Variants in RANBP2 observed in about 807,000 individuals in gnomAD.
RANBP2 encodes E3 SUMO-protein ligase RanBP2.
RANBP2 carries 57 observed loss-of-function variants against 303.6 expected under a neutral mutation model. That is an observed-to-expected ratio of 0.19 (90% CI 0.15 to 0.23). The LOEUF (loss-of-function observed/expected upper bound fraction) is 0.23, where lower values mean the gene tolerates loss of function less well. Ranked by LOEUF, RANBP2 falls within the 10% of genes least tolerant of loss-of-function variation. The pLI is 1.00. For missense variants in RANBP2, 3,138 were observed against 3,780.8 expected (o/e 0.83, Z 4.46); for synonymous variants, 1,167 against 1,301.5 (o/e 0.90, Z 2.23).
the RANBP2 span, among the ~76,000 whole-genome samples, chr2:109,119,661 A>G: frequency 6.6e-6 from 1 of 152,246 alleles, no homozygotes; most frequent in African/African-American, 2.4e-5. Context: ...GTATTTTCTA[A>G]GATCTTAAGC....
chr2:109,598,514 G>A, the RANBP2 span, among the ~76,000 whole-genome samples: 17 of 152,080 alleles, frequency 1.1e-4, no homozygotes, highest in African/African-American at 3.9e-4. Flanking sequence ...GAGCGAGAGC[G>A]AGAGAGAACA....
At chr2:108,867,403 G>C in the RANBP2 span, among the ~76,000 whole-genome samples, 1 of 152,218 alleles carries the variant, frequency 6.6e-6, no homozygotes, top group Admixed American at 6.5e-5. Flanking sequence ...TCAGGAATGA[G>C]AAGTAGAAGG....
the RANBP2 span, chr2:109,553,025 T>A: frequency 6.4e-7 from 1 of 1,566,514 alleles, no homozygotes; most frequent in Non-Finnish European, 8.6e-7. Flanking sequence ...TTGGAATAAA[T>A]CCTCCAAATT....
chr2:109,333,099 C>T, the RANBP2 span, among the ~76,000 whole-genome samples: 11 of 152,226 alleles, frequency 7.2e-5, no homozygotes, highest in African/African-American at 2.4e-4. Context: ...TGCCTCAGTG[C>T]GTTCCAGGAG....
At chr2:109,655,963 C>G in the RANBP2 span, among the ~76,000 whole-genome samples, 18 of 152,200 alleles carry the variant, frequency 1.2e-4, no homozygotes, top group African/African-American at 4.3e-4. Flanking sequence ...GAAGATAATT[C>G]TATTTGGAAT....
At chr2:109,739,942 T>A in the RANBP2 span, among the ~76,000 whole-genome samples, 1 of 150,058 alleles carries the variant, frequency 6.7e-6, no homozygotes, top group East Asian at 1.9e-4. Context: ...TTTTATTTTA[T>A]GTTACTCTGT....
At chr2:108,917,646 A>G in the RANBP2 span, among the ~76,000 whole-genome samples, 10,594 of 152,022 alleles carry the variant, frequency 0.07, 449 homozygotes, top group South Asian at 0.11. Context: ...CTAAGACTAG[A>G]GGGGGGTCAA....
At chr2:109,060,036 C>A in the RANBP2 span, among the ~76,000 whole-genome samples, 1 of 152,172 alleles carries the variant, frequency 6.6e-6, no homozygotes, top group Non-Finnish European at 1.5e-5. Flanking sequence ...AAGAACCTGA[C>A]TTCCAACCTG....
the RANBP2 span, among the ~76,000 whole-genome samples, chr2:109,684,751 A>G: frequency 4.2e-5 from 6 of 141,978 alleles, no homozygotes; most frequent in African/African-American, 1.6e-4. Context: ...GCCAGGCTGG[A>G]CTTGAACTCC....
the RANBP2 span, among the ~76,000 whole-genome samples, chr2:109,688,869 C>T: frequency 7.0e-6 from 1 of 143,648 alleles, no homozygotes; most frequent in Non-Finnish European, 1.5e-5. Flanking sequence ...TCCTGGCCTA[C>T]ATTTATTTTC....
intron 1 of RANBP2, among the ~76,000 whole-genome samples, chr2:108,721,247 G>T (rs1249673815): frequency 2.0e-5 from 3 of 152,158 alleles, no homozygotes; most frequent in Non-Finnish European, 4.4e-5. Context: ...TTTTGGCAGT[G>T]GGTCTGATTT....
chr2:109,234,647 A>G, the RANBP2 span, among the ~76,000 whole-genome samples: 2 of 152,246 alleles, frequency 1.3e-5, no homozygotes, highest in African/African-American at 4.8e-5. Flanking sequence ...CAGCAGGCAC[A>G]GGGCTCTGCT....
the RANBP2 span, among the ~76,000 whole-genome samples, chr2:109,258,499 T>G: frequency 1.3e-5 from 2 of 152,170 alleles, no homozygotes; most frequent in African/African-American, 2.4e-5. Flanking sequence ...AATCCAATCA[T>G]GTAGGCTGGC....
chr2:109,679,893 T>C, the RANBP2 span, among the ~76,000 whole-genome samples: 2 of 152,198 alleles, frequency 1.3e-5, no homozygotes, highest in African/African-American at 4.8e-5. Context: ...TGGCTGACAC[T>C]GTTTGACCCT....
chr2:108,892,461 C>T, the RANBP2 span, among the ~76,000 whole-genome samples: 2 of 151,746 alleles, frequency 1.3e-5, no homozygotes, highest in Non-Finnish European at 2.9e-5. Flanking sequence ...CCAGCAGCAA[C>T]AATCTGGGTT....
chr2:109,529,157 G>A, the RANBP2 span, among the ~76,000 whole-genome samples: 2 of 152,192 alleles, frequency 1.3e-5, no homozygotes, highest in African/African-American at 2.4e-5. Context: ...CCACTCCCTT[G>A]ATGGTGGCGG....
At chr2:108,803,091 C>G in the RANBP2 span, among the ~76,000 whole-genome samples, 2 of 152,178 alleles carry the variant, frequency 1.3e-5, no homozygotes, top group Non-Finnish European at 2.9e-5. Context: ...ATGCATTTCT[C>G]AAAGCTTTTG....
chr2:109,591,670 ATGG>A, the RANBP2 span, among the ~76,000 whole-genome samples: 2 of 152,108 alleles, frequency 1.3e-5, no homozygotes, highest in African/African-American at 2.4e-5. Flanking sequence ...GCGGAGGCAG[ATGG>A]ATCACTTGAG....
At chr2:109,564,996 T>C in the RANBP2 span, among the ~76,000 whole-genome samples, 1 of 152,236 alleles carries the variant, frequency 6.6e-6, no homozygotes, top group Non-Finnish European at 1.5e-5. Context: ...ATTCTTTTTA[T>C]AGAACACATT....
Sources: gnomAD v4.1 joint callset for allele counts (sites outside exome capture counted in the v4.1 genomes callset) on GRCh38, gnomAD v4.1.1 for gene constraint, MANE v1.5 for transcripts, NCBI Gene and HGNC (gene_info 2026-07-23, HGNC 2026-07-21) for gene names.